CUX2: variants seen among roughly 807,000 people sequenced by gnomAD.
CUX2 encodes homeobox protein cut-like 2.
Under a neutral mutation model 144.8 loss-of-function variants are expected in CUX2, and 40 were observed. The ratio of observed to expected loss-of-function variants is 0.28; its 90% confidence interval spans 0.21 to 0.36. The LOEUF is 0.36. Among genes scored for constraint, CUX2 ranks in the 10% least tolerant of loss-of-function variants. The pLI, the probability that CUX2 is intolerant of heterozygous loss-of-function variation, is 1.00. For synonymous variants in CUX2, 827 were observed against 875.6 expected (o/e 0.94, Z 0.98); for missense variants, 1,615 against 1,994.0 (o/e 0.81, Z 3.62).
chr12:111,073,281 G>T (rs1871335617), intron 1 of CUX2, among the ~76,000 whole-genome samples: 1 of 152,056 alleles, frequency 6.6e-6, no homozygotes, highest in Admixed American at 6.5e-5. Flanking sequence ...TCTGTGTCTG[G>T]TTTCTTTTAC....
intron 4 of CUX2, among the ~76,000 whole-genome samples, chr12:111,273,139 C>T (rs1884708110): frequency 6.6e-6 from 1 of 152,154 alleles, no homozygotes; most frequent in Admixed American, 6.5e-5. Context: ...GAATACACAA[C>T]AGAAAGCAGG....
At chr12:111,052,963 T>A (rs1256745422) in intron 1 of CUX2, among the ~76,000 whole-genome samples, 1 of 151,860 alleles carries the variant, frequency 6.6e-6, no homozygotes, top group East Asian at 1.9e-4. Flanking sequence ...CTGCTGAAGC[T>A]CCCCCACCCC....
intron 1 of CUX2, among the ~76,000 whole-genome samples, chr12:111,069,555 C>CGT (rs1417466230): frequency 7.1e-6 from 1 of 140,708 alleles, no homozygotes; most frequent in East Asian, 1.9e-4. Flanking sequence ...TGTGTGTGCG[C>CGT]GCGCGTGTGT....
chr12:111,320,539 G>A lies in CUX2; in HGVS notation c.2530G>A (p.Asp844Asn). 6.4e-7 allele frequency: 1 copy of A among 1,552,778 alleles called. No individual in the cohort carries two copies. The highest frequency in any genetic ancestry group is 1.9e-5 in the Admixed American group (1 of 53,056). Reference protein sequence around the residue: ...PEDEAAAGAEDEPPRTGELKA... With the variant: ...PEDEAAAGAENEPPRTGELKA... ...GGACGAGGCGGCGGCAGGGGCGGAG[G>A]ACGAACCCCCCAGGACGGGCGAGCT... Residue 844 changes from aspartate to asparagine, a missense_variant, in exon 17 of 22, where the codon GAC becomes AAC. By Grantham distance (23) the Asp-to-Asn change is conservative. Around this residue, in one of 12 missense-constraint regions of CUX2, gnomAD observed 390 missense variants for 387.1 expected, o/e 1.01. Coordinates refer to ENST00000261726, the MANE Select transcript of CUX2 (RefSeq NM_015267.4). The surrounding 1 kb of genome is among the most constrained non-coding windows in gnomAD (Gnocchi z 8.1).
chr12:111,311,893 T>C (rs1451823867), intron 15 of CUX2, among the ~76,000 whole-genome samples: 3 of 152,164 alleles, frequency 2.0e-5, no homozygotes, highest in Non-Finnish European at 2.9e-5. Context: ...CCACTGTGCC[T>C]GGCCTCGTTA....
At chr12:111,262,774 T>C (rs1884188722) in intron 3 of CUX2, among the ~76,000 whole-genome samples, 1 of 152,220 alleles carries the variant, frequency 6.6e-6, no homozygotes, top group African/African-American at 2.4e-5. Context: ...GTTAAAGTTG[T>C]TTGATATCTT....
intron 3 of CUX2, among the ~76,000 whole-genome samples, chr12:111,249,455 T>G (rs559426339): frequency 1.7e-4 from 24 of 144,016 alleles, no homozygotes; most frequent in Admixed American, 3.4e-4. Context: ...GTTTTTTTTT[T>G]TTTTTTTTTA....
intron 3 of CUX2, among the ~76,000 whole-genome samples, chr12:111,258,129 A>G (rs1883930686): frequency 6.6e-6 from 1 of 152,134 alleles, no homozygotes; most frequent in Non-Finnish European, 1.5e-5. Flanking sequence ...AGGCAGGTAG[A>G]GGTTATTCTT....
rs193059431 is a variant in CUX2, at chr12:111,210,633, A to C, written c.64-3567A>C. ...CATGGTGAAACCCTGTCTCTACCCC[A>C]AAAAAATGCAAAAATTAGCTAGGCA... On this transcript the variant is annotated intron_variant, in intron 1 of 21. Coordinates refer to ENST00000261726, the MANE Select transcript of CUX2 (RefSeq NM_015267.4). Among the ~76,000 whole-genome samples, 561 of 152,090 alleles carry C rather than the reference A, an allele frequency of 3.7e-3. 3 individuals carry two copies. The highest frequency in any genetic ancestry group is 5.8e-3 in the South Asian group (28 of 4,818).
chr12:111,314,639 T>TAAAAAAAAAAAAAAAAAAAAAA (rs954472479), intron 16 of CUX2, among the ~76,000 whole-genome samples: 4 of 23,232 alleles, frequency 1.7e-4, no homozygotes, highest in African/African-American at 6.5e-4. Context: ...AAACTCAGTC[T>TAAAAAAAAAAAAAAAAAAAAAA]AAAAAAAAAA....
At position 111,241,952 on chromosome 12, in the gene CUX2, T is replaced by G. The variant is rs116572484; in HGVS notation, c.223-21809T>G. The stretch of plus-strand genomic sequence containing the variant: ...CAATGTACAAGATGGGCTGATAGTT[T>G]GAAAAGTCATGAAAAGACCATGTTT... On this transcript the variant is annotated intron_variant, in intron 3 of 21. Coordinates refer to ENST00000261726, the MANE Select transcript of CUX2 (RefSeq NM_015267.4). Among the ~76,000 whole-genome samples, 673 of 152,392 alleles carry G rather than the reference T, an allele frequency of 4.4e-3. 4 individuals are homozygous for G. Among genetic ancestry groups the G allele is most frequent in the African/African-American group, 0.015 (621 of 41,606 alleles).
At chr12:111,326,759 C>G (rs1435951761) in intron 18 of CUX2, among the ~76,000 whole-genome samples, 2 of 151,972 alleles carry the variant, frequency 1.3e-5, no homozygotes, top group Non-Finnish European at 1.5e-5. Context: ...CAAAAATTAG[C>G]CGGGTGTGGT....
intron 1 of CUX2, among the ~76,000 whole-genome samples, chr12:111,103,229 C>T (rs1211138866): frequency 3.3e-5 from 5 of 152,180 alleles, no homozygotes; most frequent in Non-Finnish European, 5.9e-5. Context: ...GCACCATGCT[C>T]ACTGTGGCTA....
intron 4 of CUX2, among the ~76,000 whole-genome samples, chr12:111,282,558 G>A (rs188047051): frequency 1.8e-4 from 27 of 149,606 alleles, no homozygotes; most frequent in Admixed American, 1.6e-3. Context: ...CCCAAGAGGC[G>A]TAGGTTGCAG....
chr12:111,111,553 A>G (rs1873959631), intron 1 of CUX2, among the ~76,000 whole-genome samples: 1 of 152,248 alleles, frequency 6.6e-6, no homozygotes, highest in African/African-American at 2.4e-5. Flanking sequence ...CTTCTACGTT[A>G]ATAGAATCCT....
chr12:111,205,821 CCAGA>C (rs1880887675), intron 1 of CUX2, among the ~76,000 whole-genome samples: 1 of 152,186 alleles, frequency 6.6e-6, no homozygotes, highest in Non-Finnish European at 1.5e-5. Flanking sequence ...TCACTGTTTC[CCAGA>C]CAGACCGGGC....
Position 111,322,627 on chromosome 12 carries a change from C to T in CUX2, c.2926+47C>T, listed in dbSNP as rs966599216. ...TCAGGGGGTGCTGGCAAACTTCCCA[C>T]CTGCGCAGTGGCATGTCCGCCTGGC... On this transcript the variant is annotated intron_variant, in intron 18 of 21. Transcript: ENST00000261726. This position sits in a 1 kb window ranked among gnomAD's most constrained non-coding sequence, Gnocchi z 4.2. The T allele has an allele frequency of 3.8e-6, 6 of 1,587,964 alleles. No individual in the cohort carries two copies. Among genetic ancestry groups the T allele is most frequent in the Admixed American group, 3.5e-5 (2 of 57,692 alleles).
intron 3 of CUX2, among the ~76,000 whole-genome samples, chr12:111,222,793 A>G (rs1881920342): frequency 6.6e-6 from 1 of 152,122 alleles, no homozygotes; most frequent in African/African-American, 2.4e-5. Flanking sequence ...GGGACTGAGA[A>G]CGTTCTCCCT....
intron 1 of CUX2, among the ~76,000 whole-genome samples, chr12:111,111,762 G>A (rs148376104): frequency 2.8e-4 from 43 of 152,270 alleles, no homozygotes; most frequent in African/African-American, 8.9e-4. Context: ...CAACAGTACA[G>A]TTGGCCAATT....
Sources: gnomAD v4.1 joint callset for allele counts (sites outside exome capture counted in the v4.1 genomes callset) on GRCh38, gnomAD v4.1.1 for gene constraint, gnomAD v4.1.1 regional missense constraint, Gnocchi (gnomAD v3.1) non-coding constraint, MANE v1.5 for transcripts, NCBI Gene and HGNC (gene_info 2026-07-23, HGNC 2026-07-21) for gene names.